Variants in HNRNPL observed in about 807,000 individuals in gnomAD.
HNRNPL encodes the protein heterogeneous nuclear ribonucleoprotein L.
A neutral mutation model predicts 64.0 loss-of-function variants in HNRNPL; 12 were observed. The ratio of observed to expected loss-of-function variants is 0.19; its 90% CI spans 0.12 to 0.30. HNRNPL has a LOEUF of 0.30. Ranked by LOEUF, HNRNPL falls within the 10% of genes least tolerant of loss-of-function variation. The probability of loss-of-function intolerance (pLI) is 1.00; values close to 1 mark genes in which losing one functional copy is unlikely to be tolerated. For synonymous variants in HNRNPL, 385 were observed against 313.0 expected, an observed-to-expected ratio of 1.23 and a Z score of -2.43; for missense variants, 484 against 797.4, an observed-to-expected ratio of 0.61 and a Z score of 4.73.
chr19:38,850,513 T>C (rs996423259), upstream of HNRNPL, among the ~76,000 whole-genome samples: 1 of 152,202 alleles, frequency 6.6e-6, no homozygotes, highest in African/African-American at 2.4e-5. Flanking sequence ...ATGGTAGGAC[T>C]GTTGATACGC....
At chr19:38,837,184 A>G in intron 12 of HNRNPL, 200 bp downstream of exon 12, 1 of 595,800 alleles carries the variant, frequency 1.7e-6, no homozygotes, top group South Asian at 2.0e-5. Context: ...TGGCAGAGTG[A>G]GTGGCAGCAG....
rs769746428 is a variant in HNRNPL, at chr19:38,843,983, G to A, written c.807+25C>T. 2.4e-5 allele frequency: 39 copies of A among 1,607,036 alleles called. 1 individual carries two copies. Among genetic ancestry groups the A allele is most frequent in the Non-Finnish European group, 3.2e-5 (38 of 1,173,638 alleles). ...CAGCTCACCTGGAAGCTGACAAGGG[G>A]CAGTCAGTCACCTCCCAGATGTACC... On this transcript the variant is annotated intron_variant, in intron 5 of 12. Transcript: ENST00000221419.
Position 38,839,029 on chromosome 19 carries a change from G to A in HNRNPL, c.1234-14C>T, listed in dbSNP as rs764523189. The A allele has an allele frequency of 2.5e-6, 4 of 1,613,808 alleles. No homozygotes were observed. Among genetic ancestry groups the A allele is most frequent in the Middle Eastern group, 1.7e-4 (1 of 6,060 alleles). Reference sequence around the variant, plus strand: ...CATGAATTTCACCTTGGGGAGAGTAGCTGCAGTCAGCACCTCTGTCCAGCT... The same window carrying A: ...CATGAATTTCACCTTGGGGAGAGTAACTGCAGTCAGCACCTCTGTCCAGCT... On this transcript the variant is annotated splice_polypyrimidine_tract_variant and intron_variant, in intron 8 of 12. Transcript: ENST00000221419.
At chr19:38,844,189 G>C (rs1972208258) in intron 4 of HNRNPL, 85 bp from the exon 5 acceptor site, 2 of 879,672 alleles carry the variant, frequency 2.3e-6, no homozygotes, top group South Asian at 1.4e-5. Flanking sequence ...GGACAAGGTA[G>C]CACCCCAAGA....
intron 6 of HNRNPL, chr19:38,843,556 C>T (rs954129686): frequency 4.6e-5 from 20 of 435,596 alleles, no homozygotes; most frequent in African/African-American, 1.4e-4. Context: ...TTTCTAAGGC[C>T]GCCCCCACGC....
chr19:38,841,029 C>G (rs1368283168), intron 6 of HNRNPL: 10 of 198,144 alleles, frequency 5.0e-5, no homozygotes, highest in Non-Finnish European at 1.0e-4. Flanking sequence ...GAGCTCCAGA[C>G]TGTCTCTGTT....
intron 8 of HNRNPL, 49 bp downstream of exon 8, chr19:38,840,047 C>G: frequency 6.3e-7 from 1 of 1,588,648 alleles, no homozygotes; most frequent in Non-Finnish European, 8.6e-7. Context: ...TGCTGACTGG[C>G]AAGATACGAG....
Position 38,849,831 on chromosome 19 carries a change from G to GGCC in HNRNPL, c.133_135dup (p.Gly45dup). 1 of 1,236,308 alleles carries GGCC rather than the reference G, an allele frequency of 8.1e-7. No individual in the cohort carries two copies. Among genetic ancestry groups the GGCC allele is most frequent in the African/African-American group, 1.6e-5 (1 of 63,754 alleles). The allele number at this position is 1,236,308 out of a possible 1,614,324, so 76.6% of individuals were successfully genotyped here. Reference sequence around the variant, plus strand: ...CCCTCACTGCCGCCGCCGTAGTAGCGGCCACCGCCGCCTCCGCCGCCCGCC... The same window carrying GGCC: ...CCCTCACTGCCGCCGCCGTAGTAGCGGCCGCCACCGCCGCCTCCGCCGCCCGCC... On this transcript the variant is annotated inframe_insertion, in exon 1 of 13. Transcript: ENST00000221419.
chr19:38,849,399 G>A (rs562105817), intron 1 of HNRNPL: 4 of 346,652 alleles, frequency 1.2e-5, no homozygotes, highest in South Asian at 2.9e-4. Flanking sequence ...GAAAAAAACC[G>A]GCCGGGCCGC....
chr19:38,845,562 CAG>C (rs1972265749), intron 4 of HNRNPL, 86 bp downstream of exon 4: 12 of 1,072,240 alleles, frequency 1.1e-5, no homozygotes, highest in African/African-American at 3.1e-5. Context: ...CCGTGGTCAG[CAG>C]ACACATGCTG....
chr19:38,845,434 C>T (rs1408434607), intron 4 of HNRNPL: 14 of 576,044 alleles, frequency 2.4e-5, no homozygotes, highest in Admixed American at 1.3e-4. Flanking sequence ...TTTGTATCTC[C>T]CAACACACTG....
chr19:38,841,749 G>A (rs185160843), intron 6 of HNRNPL: 156 of 664,232 alleles, frequency 2.3e-4, no homozygotes, highest in Admixed American at 5.5e-4. Flanking sequence ...TTTTTTTAAA[G>A]AATTGTTTTA....
At chr19:38,850,068 G>A (rs1450315924), upstream of HNRNPL, 8 of 945,924 alleles carry the variant, frequency 8.5e-6, no homozygotes, top group East Asian at 3.3e-5. Context: ...CCCGCCGCGG[G>A]GGGAGGGTAG....
upstream of HNRNPL, among the ~76,000 whole-genome samples, chr19:38,851,641 G>A (rs1348216933): frequency 1.3e-5 from 2 of 152,230 alleles, no homozygotes; most frequent in African/African-American, 2.4e-5. Context: ...GCTCACACCT[G>A]TAATCCCAGC....
In HNRNPL at chr19:38,849,908, T is replaced by C. The variant is rs775793833; in HGVS notation, c.59A>G (p.Gln20Arg). 1.2e-5 allele frequency: 15 copies of C among 1,286,602 alleles called. No individual in the cohort carries two copies. The highest frequency in any genetic ancestry group is 1.5e-5 in the African/African-American group (1 of 65,532). 79.7% of individuals were successfully genotyped at this position (1,286,602 alleles called of 1,614,324 possible). The change falls in exon 1 of 13, where the codon CAG (glutamine) becomes CGG (arginine). Residue 20 changes from glutamine to arginine, a missense_variant. Physicochemically the swap from Gln to Arg is conservative, Grantham distance 43 (BLOSUM62 1). Transcript: ENST00000221419. ...EKRRRRLEQR[Q>R]QPDEQRRRSG... is the part of the protein sequence containing the mutation. ...CCGCCTCCGCTGCTCGTCCGGCTGC[T>C]GCCTCTGCTCCAGCCGCCGACGCCG...
intron 8 of HNRNPL, 73 bp downstream of exon 8, chr19:38,840,023 C>A (rs1972057020): frequency 4.8e-6 from 7 of 1,469,638 alleles, no homozygotes; most frequent in Non-Finnish European, 5.7e-6. Flanking sequence ...AGGCTCCCCC[C>A]TGGTTCTTTC....
chr19:38,846,012 G>A lies in HNRNPL; in HGVS notation c.465C>T (p.Asn155=), dbSNP rs528429682. The A allele has an allele frequency of 1.9e-6, 3 of 1,614,190 alleles. No homozygotes were observed. Among genetic ancestry groups the A allele is most frequent in the South Asian group, 1.1e-5 (1 of 91,084 alleles). Residue 155 remains asparagine, a synonymous_variant, in exon 3 of 13, where the codon AAC becomes AAT. Coordinates refer to ENST00000221419, the MANE Select transcript of HNRNPL (RefSeq NM_001533.3). ...EDVLGACNAV[N]YAADNQIYIA... is the part of the protein sequence containing the mutation. The stretch of plus-strand genomic sequence containing the variant: ...TGTATATTTGGTTGTCGGCTGCGTA[G>A]TTCACTGCGTTGCAAGCCCCCAACA...
upstream of HNRNPL, chr19:38,850,311 C>G: frequency 3.9e-6 from 1 of 258,282 alleles, no homozygotes; most frequent in Non-Finnish European, 7.3e-6. Flanking sequence ...ATCTCCGCCT[C>G]CCTCCCACTT....
rs540408105 is a variant in HNRNPL, at chr19:38,840,285, T to G, written c.1044A>C (p.Pro348=). The stretch of plus-strand genomic sequence containing the variant: ...TTGGGCCCCGACGGTGACCCCCCAC[T>G]GGTGGACCCATCCTTCTCCCTTCGT... The part of the protein sequence containing the change: ...PHYEGRRMGP[P]VGGHRRGPSR... Residue 348 remains proline, a synonymous_variant, in exon 8 of 13, where the codon CCA becomes CCC. Coordinates refer to ENST00000221419, the MANE Select transcript of HNRNPL (RefSeq NM_001533.3). 4.8e-5 allele frequency: 75 copies of G among 1,575,616 alleles called. No homozygotes were observed. The African/African-American group carries it at 8.7e-4, about 18-fold the overall frequency.
Sources: allele counts gnomAD v4.1 joint callset (sites outside exome capture counted in the v4.1 genomes callset), GRCh38; gene constraint gnomAD v4.1.1; transcripts MANE v1.5; gene names NCBI Gene and HGNC (gene_info 2026-07-23, HGNC 2026-07-21).